The following BCL11A variants were observed in gnomAD, a reference collection of about 807,000 sequenced individuals.
BCL11A encodes the protein BCL11 transcription factor A, also known as B cell CLL/lymphoma 11A.
A neutral mutation model predicts 55.9 loss-of-function variants in BCL11A; 2 were observed. The ratio of observed to expected loss-of-function variants is 0.04; its 90% CI spans 0.01 to 0.11. The LOEUF (loss-of-function observed/expected upper bound fraction) is 0.11, where lower values mean the gene tolerates loss of function less well. BCL11A is among the 10% of genes least tolerant of loss of function. BCL11A has a pLI of 1.00. For missense variants in BCL11A, 817 were observed against 1,137.1 expected (o/e 0.72, Z 4.05); for synonymous variants, 465 against 473.4 (o/e 0.98, Z 0.23).
chr2:60,480,610 C>T (rs988656449), intron 2 of BCL11A, among the ~76,000 whole-genome samples: 3 of 152,182 alleles, frequency 2.0e-5, no homozygotes, highest in African/African-American at 7.2e-5. Context: ...GCTGGTCCAT[C>T]GCTTCACTGT....
At chr2:60,491,174 C>A (rs933828391) in intron 2 of BCL11A, among the ~76,000 whole-genome samples, 3 of 152,172 alleles carry the variant, frequency 2.0e-5, no homozygotes, top group African/African-American at 7.2e-5. Flanking sequence ...TGACTTTCAA[C>A]CATGGTCATC....
intron 2 of BCL11A, among the ~76,000 whole-genome samples, chr2:60,521,815 A>T (rs1018482972): frequency 6.6e-6 from 1 of 152,076 alleles, no homozygotes; most frequent in Non-Finnish European, 1.5e-5. Flanking sequence ...GACCCTCACC[A>T]CGAGGCACAG....
At chr2:60,539,251 G>C (rs968716026) in intron 2 of BCL11A, among the ~76,000 whole-genome samples, 1 of 152,158 alleles carries the variant, frequency 6.6e-6, no homozygotes, top group Non-Finnish European at 1.5e-5. Flanking sequence ...ATTTACATGC[G>C]CCCATCTGAG....
intron 1 of BCL11A, among the ~76,000 whole-genome samples, chr2:60,552,838 A>T (rs1309684404): frequency 6.6e-6 from 1 of 151,502 alleles, no homozygotes; most frequent in African/African-American, 2.4e-5. Flanking sequence ...CCAGGTTTGC[A>T]TGTGAGTTGT....
intron 2 of BCL11A, among the ~76,000 whole-genome samples, chr2:60,518,772 C>T (rs758665688): frequency 3.3e-5 from 5 of 152,130 alleles, no homozygotes; most frequent in Non-Finnish European, 7.4e-5. Context: ...GGGGGCCGGG[C>T]GTGGATTTTA....
In BCL11A at chr2:60,546,329, A is replaced by T; in HGVS notation, c.56-29T>A. 1 of 1,594,680 alleles carries T rather than the reference A, an allele frequency of 6.3e-7. No homozygotes were observed. The highest frequency in any genetic ancestry group is 1.8e-4 in the Middle Eastern group (1 of 5,598). On this transcript the variant is annotated intron_variant, in intron 1 of 3. Transcript: ENST00000642384. The surrounding 1 kb of genome is among the most constrained non-coding windows in gnomAD (Gnocchi z 4.1). ...TGGTTGGAGAAACAAAAGCACAATT[A>T]TTAGAGTGCCAGAGAGGACAGAAAG... is the stretch of plus-strand genomic sequence containing the variant.
chr2:60,454,222 A>C (rs571807057), downstream of BCL11A, among the ~76,000 whole-genome samples: 25 of 152,280 alleles, frequency 1.6e-4, 1 homozygote, highest in South Asian at 2.9e-3. Context: ...GAGTAAATAC[A>C]CATCATACCA....
intron 2 of BCL11A, among the ~76,000 whole-genome samples, chr2:60,507,756 G>T (rs1679727510): frequency 6.6e-6 from 1 of 152,112 alleles, no homozygotes; most frequent in African/African-American, 2.4e-5. Flanking sequence ...ACAGAAAGCG[G>T]GTGGGGTGGG....
At chr2:60,475,825 G>GCCA (rs1220211985) in intron 2 of BCL11A, among the ~76,000 whole-genome samples, 2 of 152,114 alleles carry the variant, frequency 1.3e-5, no homozygotes, top group Non-Finnish European at 2.9e-5. Flanking sequence ...TATTCCCACT[G>GCCA]CCACCACTCC....
At chr2:60,478,961 G>GT (rs1174157790) in intron 2 of BCL11A, among the ~76,000 whole-genome samples, 4 of 121,670 alleles carry the variant, frequency 3.3e-5, no homozygotes, top group African/African-American at 1.2e-4. Flanking sequence ...GACGTGCTTT[G>GT]TTTTTTGTTT....
chr2:60,526,003 C>A (rs530011386), intron 2 of BCL11A: 1 of 152,298 alleles, frequency 6.6e-6, no homozygotes, highest in South Asian at 2.1e-4. Flanking sequence ...ATACTACAGG[C>A]AGATACTGTT....
At chr2:60,547,753 AT>A (rs1489343135) in intron 1 of BCL11A, among the ~76,000 whole-genome samples, 17 of 152,188 alleles carry the variant, frequency 1.1e-4, no homozygotes, top group Non-Finnish European at 2.4e-4. Context: ...GGTTAAATTT[AT>A]TTCAACCCTA....
chr2:60,466,100 T>C (rs934364503), intron 3 of BCL11A, among the ~76,000 whole-genome samples: 1 of 152,190 alleles, frequency 6.6e-6, no homozygotes, highest in Non-Finnish European at 1.5e-5. Flanking sequence ...ACTCCTAAAT[T>C]GGTCCTGCCA....
intron 2 of BCL11A, chr2:60,535,743 G>A (rs1669640162): frequency 6.6e-6 from 1 of 152,222 alleles, no homozygotes; most frequent in Admixed American, 6.5e-5. Context: ...CTTGAGATTT[G>A]CCTTTCTGAT....
At chr2:60,541,562 T>C (rs918032239) in intron 2 of BCL11A, among the ~76,000 whole-genome samples, 1 of 152,232 alleles carries the variant, frequency 6.6e-6, no homozygotes, top group African/African-American at 2.4e-5. Context: ...TTCTCTGTCT[T>C]ATTTACAAAT....
chr2:60,455,044 A>C (rs560097227), downstream of BCL11A, among the ~76,000 whole-genome samples: 2 of 152,212 alleles, frequency 1.3e-5, no homozygotes, highest in Non-Finnish European at 2.9e-5. Context: ...GGTCCTAAAC[A>C]AAGAGAGGAT....
intron 2 of BCL11A, among the ~76,000 whole-genome samples, chr2:60,504,481 A>G (rs2104429022): frequency 6.6e-6 from 1 of 152,338 alleles, no homozygotes; most frequent in South Asian, 2.1e-4. Context: ...ACCTCTGACT[A>G]CTTCTGGTTT....
intron 2 of BCL11A, chr2:60,535,267 T>G (rs765574106): frequency 6.6e-5 from 10 of 152,242 alleles, no homozygotes; most frequent in Admixed American, 5.9e-4. Context: ...AGGGTTTTTC[T>G]TCCTATGATT....
intron 2 of BCL11A, among the ~76,000 whole-genome samples, chr2:60,491,691 A>AG (rs933254487): frequency 4.0e-5 from 6 of 149,202 alleles, no homozygotes; most frequent in Non-Finnish European, 8.9e-5. Flanking sequence ...AGAAAAAAGA[A>AG]AAAAAAAAAA....
Sources: allele counts gnomAD v4.1 joint callset (sites outside exome capture counted in the v4.1 genomes callset), GRCh38; gene constraint gnomAD v4.1.1; non-coding constraint Gnocchi (gnomAD v3.1); transcripts MANE v1.5; gene names NCBI Gene and HGNC (gene_info 2026-07-23, HGNC 2026-07-21).